The following KCNQ5 variants were observed in gnomAD, a reference collection of about 807,000 sequenced individuals.
The protein encoded by KCNQ5 is potassium voltage-gated channel subfamily KQT member 5.
A neutral mutation model predicts 98.2 loss-of-function variants in KCNQ5; 30 were observed. That is an observed-to-expected ratio of 0.31 (90% CI 0.23 to 0.41). The LOEUF is 0.41. Ranked by LOEUF, KCNQ5 falls within the 10% of genes least tolerant of loss-of-function variation. KCNQ5 has a pLI of 1.00. For synonymous variants in KCNQ5, 458 were observed against 449.4 expected, an observed-to-expected ratio of 1.02 and a Z score of -0.24; for missense variants, 835 against 1,182.5, an observed-to-expected ratio of 0.71 and a Z score of 4.31.
At chr6:72,838,988 T>C (rs978496158) in intron 1 of KCNQ5, among the ~76,000 whole-genome samples, 40 of 147,592 alleles carry the variant, frequency 2.7e-4, no homozygotes, top group Admixed American at 2.2e-3. Context: ...TGGAGCTGAG[T>C]GTGAAATTTG....
At chr6:72,654,282 G>A (rs1404005625) in intron 1 of KCNQ5, among the ~76,000 whole-genome samples, 1 of 151,924 alleles carries the variant, frequency 6.6e-6, no homozygotes, top group Non-Finnish European at 1.5e-5. Flanking sequence ...GGAATATATT[G>A]GATTTAAAGT....
At chr6:72,900,342 C>A (rs895541054) in intron 1 of KCNQ5, among the ~76,000 whole-genome samples, 2 of 147,906 alleles carry the variant, frequency 1.4e-5, no homozygotes, top group African/African-American at 5.0e-5. Context: ...ATATATATAT[C>A]TCATCCTATA....
chr6:72,778,935 T>TG (rs2154477754), intron 1 of KCNQ5, among the ~76,000 whole-genome samples: 1 of 152,318 alleles, frequency 6.6e-6, no homozygotes, highest in Non-Finnish European at 1.5e-5. Context: ...TCATTAAATT[T>TG]GGTAATGAAG....
At chr6:72,895,877 G>T (rs1487622723) in intron 1 of KCNQ5, among the ~76,000 whole-genome samples, 1 of 151,872 alleles carries the variant, frequency 6.6e-6, no homozygotes, top group Non-Finnish European at 1.5e-5. Context: ...GATCAGAAAG[G>T]CTTTGTGTCT....
rs557184257 is a variant in KCNQ5 at position 73,097,158 on chromosome 6, T to C, written c.919-8099T>C. Among the ~76,000 whole-genome samples, 98 of 146,994 alleles carry C rather than the reference T, an allele frequency of 6.7e-4. 1 individual carries two copies. The highest frequency in any genetic ancestry group is 2.4e-3 in the African/African-American group (98 of 40,638). ...AATAGATCTCATATATATATATATA[T>C]ACACACACACATACACATATTGTTC... On this transcript the variant is annotated intron_variant, in intron 5 of 13. Transcript: ENST00000370398.
chr6:72,877,429 G>A (rs1477697949), intron 1 of KCNQ5, among the ~76,000 whole-genome samples: 1 of 152,140 alleles, frequency 6.6e-6, no homozygotes, highest in African/African-American at 2.4e-5. Flanking sequence ...ATCTCATGGT[G>A]TATATGTACC....
chr6:73,012,867 A>G (rs1344241507), intron 2 of KCNQ5, among the ~76,000 whole-genome samples: 8 of 151,814 alleles, frequency 5.3e-5, no homozygotes, highest in Non-Finnish European at 1.0e-4. Context: ...TAAAACTCAA[A>G]AAAAAAGTGG....
intron 1 of KCNQ5, among the ~76,000 whole-genome samples, chr6:72,704,630 TA>T (rs1042456813): frequency 3.6e-5 from 4 of 112,260 alleles, no homozygotes; most frequent in Non-Finnish European, 5.0e-5. Context: ...TTAATTGTTA[TA>T]AATGATAAAA....
At chr6:73,010,699 A>G (rs1005302559) in intron 2 of KCNQ5, among the ~76,000 whole-genome samples, 1 of 151,914 alleles carries the variant, frequency 6.6e-6, no homozygotes, top group Non-Finnish European at 1.5e-5. Context: ...AGCAGGATGC[A>G]AAGTCAATAT....
chr6:72,782,339 A>G (rs1773525127), intron 1 of KCNQ5, among the ~76,000 whole-genome samples: 1 of 152,086 alleles, frequency 6.6e-6, no homozygotes, highest in African/African-American at 2.4e-5. Flanking sequence ...TATGCAGAGC[A>G]TCTTCTCCAC....
At chr6:72,946,493 AT>A (rs1294086812) in intron 1 of KCNQ5, among the ~76,000 whole-genome samples, 2 of 152,208 alleles carry the variant, frequency 1.3e-5, no homozygotes, top group African/African-American at 4.8e-5. Flanking sequence ...CGTATTGCTT[AT>A]TTAATACATC....
intron 1 of KCNQ5, among the ~76,000 whole-genome samples, chr6:72,628,526 G>T (rs752573714): frequency 2.0e-5 from 3 of 152,150 alleles, no homozygotes; most frequent in Non-Finnish European, 2.9e-5. Flanking sequence ...GAGCTTGAGG[G>T]TTGCCTCTTA....
chr6:72,699,902 C>T (rs942654231), intron 1 of KCNQ5, among the ~76,000 whole-genome samples: 3 of 152,162 alleles, frequency 2.0e-5, no homozygotes, highest in African/African-American at 7.2e-5. Flanking sequence ...GGGCGTCAAG[C>T]TTTCCATGCA....
intron 1 of KCNQ5, among the ~76,000 whole-genome samples, chr6:72,657,662 T>C (rs552197554): frequency 6.6e-6 from 1 of 152,342 alleles, no homozygotes; most frequent in Non-Finnish European, 1.5e-5. Context: ...CTATAAAATT[T>C]TTTTCCTCAA....
intron 11 of KCNQ5, among the ~76,000 whole-genome samples, chr6:73,170,183 A>G (rs898724275): frequency 6.6e-6 from 1 of 152,166 alleles, no homozygotes; most frequent in African/African-American, 2.4e-5. Flanking sequence ...TATTTTTATG[A>G]CTTGCTCCAA....
chr6:73,070,037 A>T (rs1773235208), intron 3 of KCNQ5, among the ~76,000 whole-genome samples: 1 of 152,220 alleles, frequency 6.6e-6, no homozygotes, highest in Non-Finnish European at 1.5e-5. Flanking sequence ...AAGCAGAATC[A>T]ACAAAAGTAA....
chr6:72,694,486 A>G (rs941702412), intron 1 of KCNQ5, among the ~76,000 whole-genome samples: 1 of 152,188 alleles, frequency 6.6e-6, no homozygotes, highest in Admixed American at 6.5e-5. Context: ...TGGCCTGGGT[A>G]GGAGTTCTGG....
At chr6:73,150,618 A>G (rs1476101956) in intron 10 of KCNQ5, among the ~76,000 whole-genome samples, 2 of 150,748 alleles carry the variant, frequency 1.3e-5, no homozygotes, top group South Asian at 2.1e-4. Flanking sequence ...AAGTTTAACC[A>G]ATAGGCAAAA....
At chr6:72,843,218 A>C (rs1582396807) in intron 1 of KCNQ5, among the ~76,000 whole-genome samples, 1 of 152,228 alleles carries the variant, frequency 6.6e-6, no homozygotes, top group Admixed American at 6.5e-5. Context: ...CAGTCTTCCC[A>C]AAACTGTTCA....
Sources: allele counts gnomAD v4.1 joint callset (sites outside exome capture counted in the v4.1 genomes callset), GRCh38; gene constraint gnomAD v4.1.1; transcripts MANE v1.5; gene names NCBI Gene and HGNC (gene_info 2026-07-23, HGNC 2026-07-21).